Variants in SSBP4 observed in about 807,000 individuals in gnomAD.
SSBP4 encodes the protein single-stranded DNA-binding protein 4.
SSBP4 carries 33 observed loss-of-function variants against 64.6 expected under a neutral mutation model. The ratio of observed to expected loss-of-function variants is 0.51; its 90% CI spans 0.39 to 0.68. The LOEUF is 0.68. Among genes scored for constraint, SSBP4 ranks in the 30% least tolerant of loss-of-function variants. SSBP4 has a pLI of 0.00. For synonymous variants in SSBP4, 243 were observed against 224.0 expected, an observed-to-expected ratio of 1.08 and a Z score of -0.76; for missense variants, 583 against 566.8, an observed-to-expected ratio of 1.03 and a Z score of -0.29.
chr19:18,415,064 AC>A (rs1169647699), upstream of SSBP4, among the ~76,000 whole-genome samples: 4 of 88,588 alleles, frequency 4.5e-5, no homozygotes, highest in African/African-American at 9.1e-5. Context: ...AGCTCCTCCC[AC>A]CCCCCACCCT....
the SSBP4 span, among the ~76,000 whole-genome samples, chr19:18,402,800 C>T: frequency 1.3e-5 from 2 of 152,198 alleles, no homozygotes; most frequent in Admixed American, 1.3e-4. Context: ...AAGTCAGGTA[C>T]TGTCCAAGAT....
Position 18,430,849 on chromosome 19 carries a change from A to C in SSBP4, c.288A>C (p.Ala96=). 5 of 1,612,722 alleles carry C rather than the reference A, an allele frequency of 3.1e-6. No individual in the cohort carries two copies. In the South Asian group the frequency reaches 5.5e-5, roughly 18 times the overall value. The part of the protein sequence containing the change: ...EAKAFQDYSA[A]AAPSPVMGSM... ...TTCCCGCACCCTTACAGAGTGCTGC[A>C]GCCGCCCCCAGCCCCGTTATGGGGA... Residue 96 remains alanine (A), a synonymous_variant, in exon 5 of 18, where the codon GCA becomes GCC. Transcript: ENST00000270061.
the SSBP4 span, among the ~76,000 whole-genome samples, chr19:18,404,436 A>G: frequency 6.6e-6 from 1 of 151,890 alleles, no homozygotes; most frequent in South Asian, 2.1e-4. Flanking sequence ...TCTACTAAAA[A>G]TACAAAAATT....
chr19:18,428,056 T>TGGGGGGGGG, intron 4 of SSBP4, 74 bp downstream of exon 4: 10 of 444,224 alleles, frequency 2.3e-5, no homozygotes, highest in East Asian at 4.7e-5. Context: ...GGAGGTGGGG[T>TGGGGGGGGG]GGGGGGCTGC....
At position 18,431,816 on chromosome 19, in the gene SSBP4, C is replaced by T; in HGVS notation, c.519C>T (p.Ser173=). 6.4e-7 allele frequency: 1 copy of T among 1,565,456 alleles called. No homozygotes were observed. Among genetic ancestry groups the T allele is most frequent in the Non-Finnish European group, 8.7e-7 (1 of 1,154,182 alleles). The part of the protein sequence containing the change: ...PSQPPAGLPG[S]QPLLPGAMEP... Reference sequence around the variant, plus strand: ...AGCCTCCCGCAGGCCTCCCTGGCTCCCAGCCCCTCCTCCCTGGCGCCATGG... The same window carrying T: ...AGCCTCCCGCAGGCCTCCCTGGCTCTCAGCCCCTCCTCCCTGGCGCCATGG... The change falls in exon 8 of 18, where the codon TCC becomes TCT. Residue 173 remains serine (S), a synonymous_variant. Coordinates refer to ENST00000270061, the MANE Select transcript of SSBP4 (RefSeq NM_032627.5).
the SSBP4 span, among the ~76,000 whole-genome samples, chr19:18,407,509 C>G: frequency 6.6e-6 from 1 of 152,138 alleles, no homozygotes; most frequent in South Asian, 2.1e-4. Flanking sequence ...CTCCGCCCCC[C>G]GGGTTCACGC....
At chr19:18,409,343 C>T in the SSBP4 span, among the ~76,000 whole-genome samples, 3 of 152,004 alleles carry the variant, frequency 2.0e-5, no homozygotes, top group African/African-American at 7.2e-5. Flanking sequence ...TGCGCCACGT[C>T]AATTGGCTAA....
At chr19:18,424,250 A>G (rs1052890652) in intron 1 of SSBP4, among the ~76,000 whole-genome samples, 1 of 152,198 alleles carries the variant, frequency 6.6e-6, no homozygotes, top group African/African-American at 2.4e-5. Context: ...TGGTTCGCCT[A>G]ATCCTCCCGG....
chr19:18,433,434 C>T (rs1973657704), intron 15 of SSBP4, 151 bp from the exon 16 acceptor site: 1 of 1,394,712 alleles, frequency 7.2e-7, no homozygotes, highest in South Asian at 1.2e-5. Context: ...GCCCAACCCT[C>T]CACCTGGCCT....
intron 1 of SSBP4, among the ~76,000 whole-genome samples, chr19:18,420,295 G>A (rs1034819669): frequency 1.3e-5 from 2 of 152,260 alleles, no homozygotes; most frequent in Admixed American, 6.5e-5. Context: ...GGGCGGGTGG[G>A]GACGACGGAG....
chr19:18,419,371 G>A, upstream of SSBP4: 1 of 1,025,568 alleles, frequency 9.8e-7, no homozygotes, highest in African/African-American at 1.7e-5. Context: ...GGGCGGGGGC[G>A]CGCGCGGCGG....
Position 18,426,494 on chromosome 19 carries a change from G to A in SSBP4, c.60-857G>A, listed in dbSNP as rs75761393. Among the ~76,000 whole-genome samples, 3,932 of 152,286 alleles carry A rather than the reference G, an allele frequency of 0.026. 172 individuals are homozygous for A. Among genetic ancestry groups the A allele is most frequent in the African/African-American group, 0.089 (3,709 of 41,532 alleles). On this transcript the variant is annotated intron_variant, in intron 1 of 17. Transcript: ENST00000270061. This position sits in a 1 kb window ranked among gnomAD's most constrained non-coding sequence, Gnocchi z 4.5. Reference sequence around the variant, plus strand: ...AAGGGCTGGTGCCACAGGACTGGGCGACCCTTTGGATAGGGGGTTTGTCCT... The same window carrying A: ...AAGGGCTGGTGCCACAGGACTGGGCAACCCTTTGGATAGGGGGTTTGTCCT...
At position 18,421,395 on chromosome 19, in the gene SSBP4, G is replaced by A. The variant is rs115634918; in HGVS notation, c.59+1688G>A. Among the ~76,000 whole-genome samples, 1,343 of 152,360 alleles carry A rather than the reference G, an allele frequency of 8.8e-3. 25 individuals carry two copies. The highest frequency in any genetic ancestry group is 0.03 in the African/African-American group (1,263 of 41,588). On this transcript the variant is annotated intron_variant, in intron 1 of 17. Transcript: ENST00000270061. ...ATGGTCACCCCTGGACCCCTGGTCTGTCTCCTGTGTGTCTCCAGGCAGCTG... is the reference window on the plus strand; with the variant it reads ...ATGGTCACCCCTGGACCCCTGGTCTATCTCCTGTGTGTCTCCAGGCAGCTG...
At chr19:18,408,409 C>T in the SSBP4 span, among the ~76,000 whole-genome samples, 1 of 152,128 alleles carries the variant, frequency 6.6e-6, no homozygotes, top group Non-Finnish European at 1.5e-5. Context: ...CCCTTCCTGC[C>T]TCTTTAACCC....
chr19:18,408,812 T>A, the SSBP4 span, among the ~76,000 whole-genome samples: 2 of 148,360 alleles, frequency 1.3e-5, no homozygotes, highest in African/African-American at 5.0e-5. Flanking sequence ...ATTAAGACAG[T>A]TCTTTTGGTT....
At chr19:18,417,078 C>T (rs1972145827), upstream of SSBP4, among the ~76,000 whole-genome samples, 1 of 151,992 alleles carries the variant, frequency 6.6e-6, no homozygotes, top group Non-Finnish European at 1.5e-5. This position sits in a 1 kb window ranked among gnomAD's most constrained non-coding sequence, Gnocchi z 5.4. Context: ...TCCTTCCCTC[C>T]CTCCCTCCGC....
intron 4 of SSBP4, 74 bp downstream of exon 4, chr19:18,428,056 T>TGGGGTTGGGGGGGG: frequency 4.5e-6 from 2 of 444,256 alleles, no homozygotes; most frequent in Non-Finnish European, 7.4e-6. Flanking sequence ...GGAGGTGGGG[T>TGGGGTTGGGGGGGG]GGGGGGCTGC....
chr19:18,408,301 C>A, the SSBP4 span, among the ~76,000 whole-genome samples: 1 of 152,140 alleles, frequency 6.6e-6, no homozygotes, highest in East Asian at 1.9e-4. Context: ...GGTAGGACAA[C>A]AGAAGCACCT....
the SSBP4 span, among the ~76,000 whole-genome samples, chr19:18,410,457 AAAG>A: frequency 6.6e-6 from 1 of 152,132 alleles, no homozygotes; most frequent in African/African-American, 2.4e-5. Context: ...CGGGCTAGTC[AAAG>A]AAGGCCTCTC....
Sources: allele counts gnomAD v4.1 joint callset (sites outside exome capture counted in the v4.1 genomes callset), GRCh38; gene constraint gnomAD v4.1.1; non-coding constraint Gnocchi (gnomAD v3.1); transcripts MANE v1.5; gene names NCBI Gene and HGNC (gene_info 2026-07-23, HGNC 2026-07-21).